Variants in ZFHX3 observed in about 807,000 individuals in gnomAD.
The protein encoded by ZFHX3 is zinc finger homeobox protein 3.
ZFHX3 carries 42 observed loss-of-function variants against 279.1 expected under a neutral mutation model. The observed-to-expected ratio is 0.15, with a 90% confidence interval of 0.12 to 0.19. The LOEUF (loss-of-function observed/expected upper bound fraction) is 0.19. Ranked by LOEUF, ZFHX3 falls within the 10% of genes least tolerant of loss-of-function variation. The probability of loss-of-function intolerance (pLI) is 1.00; values close to 1 mark genes in which losing one functional copy is unlikely to be tolerated. For missense variants in ZFHX3, 4,981 were observed against 4,754.0 expected (o/e 1.05, Z -1.40); for synonymous variants, 2,293 against 1,957.8 (o/e 1.17, Z -4.52).
At chr16:73,662,599 T>G (rs2052797020) in intron 2 of ZFHX3, among the ~76,000 whole-genome samples, 1 of 152,086 alleles carries the variant, frequency 6.6e-6, no homozygotes, top group African/African-American at 2.4e-5. Context: ...CATAAGTAAT[T>G]CAAGAGGCTG....
rs1460363014 is a variant in ZFHX3 at position 72,795,001 on chromosome 16, T to C, written c.7681A>G (p.Ile2561Val). Residue 2561 changes from isoleucine (I) to valine (V), a missense_variant, in exon 9 of 10, where the codon ATC becomes GTC. Coordinates refer to ENST00000268489, the MANE Select transcript of ZFHX3 (RefSeq NM_006885.4). ...GACCTGTCCAAAAACTGGGGGTGGA[T>C]GAACTGGTTCTGCGCGCTCAGGAAG... ...LHFLSAQNQF[I>V]HPQFLDRSLD... 1 of 1,614,188 alleles carries C rather than the reference T, an allele frequency of 6.2e-7. No homozygotes were observed. The highest frequency in any genetic ancestry group is 1.7e-5 in the Admixed American group (1 of 60,028).
chr16:73,302,446 A>G (rs1187482972), intron 4 of ZFHX3, among the ~76,000 whole-genome samples: 4 of 152,220 alleles, frequency 2.6e-5, no homozygotes, highest in Admixed American at 1.3e-4. Context: ...GTTGAACACA[A>G]CTGAGGTTTA....
rs144791832 is a variant in ZFHX3, at chr16:72,988,733, C to A, written c.-49-28539G>T. ...CATGTGTCAACACAATAAATAATTT[C>A]TCCAACAAAACTTATAACCATCAGC... On this transcript the variant is annotated intron_variant, in intron 1 of 9. Transcript: ENST00000268489. Among the ~76,000 whole-genome samples the A allele has an allele frequency of 1.1e-4, 17 of 152,330 alleles. No homozygotes were observed. The East Asian group carries it at 3.3e-3, about 29-fold the overall frequency.
chr16:72,800,594 G>C (rs1161545439), intron 7 of ZFHX3, among the ~76,000 whole-genome samples: 1 of 152,204 alleles, frequency 6.6e-6, no homozygotes, highest in South Asian at 2.1e-4. Context: ...CAGGCAAGAG[G>C]AGGAGGGGAG....
chr16:73,252,470 T>C (rs1374014405), intron 5 of ZFHX3, among the ~76,000 whole-genome samples: 1 of 150,818 alleles, frequency 6.6e-6, no homozygotes, highest in African/African-American at 2.4e-5. Flanking sequence ...GCCGTGGGGG[T>C]CTCATGAAGA....
chr16:73,839,808 A>G (rs537681799), intron 1 of ZFHX3, among the ~76,000 whole-genome samples: 1 of 152,338 alleles, frequency 6.6e-6, no homozygotes, highest in Non-Finnish European at 1.5e-5. Context: ...AAACAGGTTC[A>G]CGACTCCACC....
intron 5 of ZFHX3, among the ~76,000 whole-genome samples, chr16:73,174,623 T>C (rs1967617807): frequency 6.6e-6 from 1 of 151,950 alleles, no homozygotes. Context: ...TCACATCTCC[T>C]CTTGCTGGAA....
intron 8 of ZFHX3, among the ~76,000 whole-genome samples, chr16:73,069,904 C>G (rs1046127448): frequency 6.6e-6 from 1 of 152,160 alleles, no homozygotes; most frequent in African/African-American, 2.4e-5. Context: ...AGCCTTATTT[C>G]CAGGCATTTG....
chr16:73,351,578 C>T (rs894517772), intron 3 of ZFHX3, among the ~76,000 whole-genome samples: 12 of 152,240 alleles, frequency 7.9e-5, no homozygotes, highest in African/African-American at 2.7e-4. Flanking sequence ...GGATTTTGCA[C>T]AGCTCCGTCT....
chr16:72,990,287 G>A (rs972914650), intron 1 of ZFHX3, among the ~76,000 whole-genome samples: 5 of 152,206 alleles, frequency 3.3e-5, no homozygotes, highest in African/African-American at 1.2e-4. Context: ...GTCCTGGCCT[G>A]TAAATGCCAG....
Position 72,950,586 on chromosome 16 carries a change from G to A in ZFHX3, c.3099C>T (p.Ala1033=), listed in dbSNP as rs761547259. ...ACTTGAGGTGCACGGGGTTGCCGAT[G>A]GCCACACACTTGAGCCTCCACTCGT... is the stretch of plus-strand genomic sequence containing the variant. ...KANEWRLKCV[A]IGNPVHLKCN... Residue 1033 remains alanine (A), a synonymous_variant, in exon 3 of 10, where the codon GCC becomes GCT. Coordinates refer to ENST00000268489, the MANE Select transcript of ZFHX3 (RefSeq NM_006885.4). The A allele has an allele frequency of 2.2e-5, 35 of 1,614,208 alleles. No homozygotes were observed. In the East Asian group the frequency reaches 6.2e-4, roughly 29 times the overall value.
chr16:73,839,976 T>C (rs1961258093), intron 1 of ZFHX3, among the ~76,000 whole-genome samples: 1 of 152,322 alleles, frequency 6.6e-6, no homozygotes, highest in African/African-American at 2.4e-5. Context: ...CCATCCTCTG[T>C]GTCCTCCCAT....
At chr16:73,174,274 A>ACAG (rs1464219829) in intron 5 of ZFHX3, among the ~76,000 whole-genome samples, 1 of 65,564 alleles carries the variant, frequency 1.5e-5, no homozygotes, top group Non-Finnish European at 3.4e-5. Context: ...CAAAACAACA[A>ACAG]CAACAACAAC....
At chr16:73,214,687 C>A (rs1263365847) in intron 5 of ZFHX3, among the ~76,000 whole-genome samples, 1 of 152,104 alleles carries the variant, frequency 6.6e-6, no homozygotes, top group African/African-American at 2.4e-5. Context: ...CACCTGAGTA[C>A]TACATGGGGG....
intron 5 of ZFHX3, among the ~76,000 whole-genome samples, chr16:73,251,900 C>A (rs1053437856): frequency 1.7e-5 from 2 of 116,410 alleles, no homozygotes; most frequent in African/African-American, 3.8e-5. Flanking sequence ...ACACACCATG[C>A]ACACACACAC....
intron 5 of ZFHX3, among the ~76,000 whole-genome samples, chr16:73,168,976 A>C (rs12324964): frequency 0.14 from 20,926 of 152,142 alleles, 1,817 homozygotes; most frequent in Middle Eastern, 0.26. Context: ...TCCAAACTTC[A>C]TTCAGCTTAT....
At chr16:73,538,338 A>C (rs1388672941) in intron 2 of ZFHX3, among the ~76,000 whole-genome samples, 2 of 152,200 alleles carry the variant, frequency 1.3e-5, no homozygotes, top group African/African-American at 4.8e-5. Context: ...GAAATAAAAT[A>C]TAATTAAAAG....
At chr16:73,820,776 T>C (rs1054644732) in intron 1 of ZFHX3, among the ~76,000 whole-genome samples, 1 of 151,846 alleles carries the variant, frequency 6.6e-6, no homozygotes, top group Admixed American at 6.6e-5. Flanking sequence ...CACACTGATA[T>C]TTCTATGAAG....
chr16:73,284,649 T>G (rs149644137), intron 4 of ZFHX3, among the ~76,000 whole-genome samples: 246 of 152,284 alleles, frequency 1.6e-3, no homozygotes, highest in Middle Eastern at 3.4e-3. Flanking sequence ...TCTGTTTTTT[T>G]TGTTTTGTTT....
Sources: gnomAD v4.1 joint callset for allele counts (sites outside exome capture counted in the v4.1 genomes callset) on GRCh38, gnomAD v4.1.1 for gene constraint, MANE v1.5 for transcripts, NCBI Gene and HGNC (gene_info 2026-07-23, HGNC 2026-07-21) for gene names.